The following ITPRID1 variants were observed in gnomAD, a reference collection of about 807,000 sequenced individuals.
The protein encoded by ITPRID1 is protein ITPRID1.
A neutral mutation model predicts 95.4 loss-of-function variants in ITPRID1; 96 were observed. The ratio of observed to expected loss-of-function variants is 1.01; its 90% CI spans 0.85 to 1.19. ITPRID1 has a LOEUF of 1.19. Ranked by LOEUF, ITPRID1 falls within the 50% of genes most tolerant of loss-of-function variation. The probability of loss-of-function intolerance (pLI) is 0.00; values close to 1 mark genes in which losing one functional copy is unlikely to be tolerated. For synonymous variants in ITPRID1, 510 were observed against 453.6 expected (o/e 1.12, Z -1.58); for missense variants, 1,339 against 1,252.9 (o/e 1.07, Z -1.04).
At chr7:31,541,499 A>G (rs980114007) in intron 1 of ITPRID1, among the ~76,000 whole-genome samples, 1 of 152,190 alleles carries the variant, frequency 6.6e-6, no homozygotes, top group African/African-American at 2.4e-5. Flanking sequence ...AATTACGAGG[A>G]TATCTGGTAC....
chr7:31,651,961 ACGTTACGTGAGGCC>A lies in ITPRID1; in HGVS notation c.2736_2749del (p.Leu913GlufsTer35), dbSNP rs750768475. On this transcript the variant is annotated frameshift_variant, in exon 14 of 15. Coordinates refer to ENST00000615280, the MANE Select transcript of ITPRID1 (RefSeq NM_001257967.3). LOFTEE classifies it high-confidence loss of function. ...CAGGGAGGAGGCCGAGCAACTGCAA[ACGTTACGTGAGGCC>A]CTGAGGCAGCAGGTGGCAGAGTTGG... 1 of 1,601,172 alleles carries A rather than the reference ACGTTACGTGAGGCC, an allele frequency of 6.2e-7. No homozygotes were observed. The highest frequency in any genetic ancestry group is 2.3e-5 in the East Asian group (1 of 44,402).
intron 10 of ITPRID1, among the ~76,000 whole-genome samples, chr7:31,641,375 T>C (rs183633635): frequency 1.5e-4 from 23 of 152,252 alleles, no homozygotes; most frequent in African/African-American, 5.5e-4. Flanking sequence ...CCTCTGCTCC[T>C]TGTATTCTAA....
At chr7:31,568,523 G>A (rs1331120134) in intron 5 of ITPRID1, among the ~76,000 whole-genome samples, 1 of 152,162 alleles carries the variant, frequency 6.6e-6, no homozygotes, top group African/African-American at 2.4e-5. Context: ...ACCCAGGAGA[G>A]CAACAAGTAA....
At chr7:31,597,423 A>G (rs192533151) in intron 10 of ITPRID1, among the ~76,000 whole-genome samples, 10 of 152,010 alleles carry the variant, frequency 6.6e-5, no homozygotes, top group Admixed American at 2.0e-4. Context: ...TTTGTTGGAT[A>G]TGAGAGCAAA....
chr7:31,640,891 G>GC (rs1369821606), intron 10 of ITPRID1, among the ~76,000 whole-genome samples: 1 of 152,172 alleles, frequency 6.6e-6, no homozygotes, highest in Non-Finnish European at 1.5e-5. Flanking sequence ...TAAAATGTAT[G>GC]CCCTCTGATT....
intron 1 of ITPRID1, among the ~76,000 whole-genome samples, chr7:31,519,357 CTA>C (rs1448877305): frequency 6.6e-6 from 1 of 151,934 alleles, no homozygotes; most frequent in East Asian, 1.9e-4. Flanking sequence ...AATTTAAACA[CTA>C]AAATTGTATT....
At chr7:31,560,276 G>A (rs891991388) in intron 5 of ITPRID1, among the ~76,000 whole-genome samples, 2 of 152,168 alleles carry the variant, frequency 1.3e-5, no homozygotes, top group African/African-American at 4.8e-5. Flanking sequence ...AGGGCTAGGG[G>A]TTAAAGAATT....
chr7:31,518,565 A>G (rs576055902), intron 1 of ITPRID1, among the ~76,000 whole-genome samples: 2 of 152,314 alleles, frequency 1.3e-5, no homozygotes, highest in African/African-American at 4.8e-5. Flanking sequence ...TGCATAAACC[A>G]TGAATTATGA....
intron 9 of ITPRID1, among the ~76,000 whole-genome samples, chr7:31,579,571 G>A (rs1202834334): frequency 1.3e-5 from 2 of 152,108 alleles, no homozygotes; most frequent in Non-Finnish European, 2.9e-5. Context: ...GGTATTCCAG[G>A]AGCAAGTAAA....
chr7:31,647,943 T>G (rs1035394874), intron 12 of ITPRID1, among the ~76,000 whole-genome samples: 2 of 152,058 alleles, frequency 1.3e-5, no homozygotes, highest in Non-Finnish European at 2.9e-5. Flanking sequence ...CACATATAAG[T>G]GAGTTATTTG....
chr7:31,543,006 G>T, intron 1 of ITPRID1, among the ~76,000 whole-genome samples: 1 of 152,030 alleles, frequency 6.6e-6, no homozygotes. Flanking sequence ...CACATATATA[G>T]CCACACAGAC....
chr7:31,572,909 A>G (rs1332293416), intron 7 of ITPRID1, among the ~76,000 whole-genome samples: 1 of 152,230 alleles, frequency 6.6e-6, no homozygotes, highest in Non-Finnish European at 1.5e-5. Flanking sequence ...CATGACAGAT[A>G]TTCAATAAAT....
chr7:31,549,166 C>A (rs6957761), intron 1 of ITPRID1, among the ~76,000 whole-genome samples: 87,607 of 151,942 alleles, frequency 0.58, 26,374 homozygotes, highest in Middle Eastern at 0.71. Flanking sequence ...GCTACAGGCT[C>A]TAATTATAAC....
At chr7:31,530,523 G>A (rs1002275745) in intron 1 of ITPRID1, among the ~76,000 whole-genome samples, 1 of 152,006 alleles carries the variant, frequency 6.6e-6, no homozygotes, top group Non-Finnish European at 1.5e-5. Context: ...AAATAAATAG[G>A]TCACAGTTAT....
chr7:31,640,365 TA>T (rs1299857631), intron 10 of ITPRID1, among the ~76,000 whole-genome samples: 3 of 152,292 alleles, frequency 2.0e-5, no homozygotes, highest in Admixed American at 6.5e-5. Context: ...CTCAGCTGAA[TA>T]CTCAAGAGAG....
intron 1 of ITPRID1, among the ~76,000 whole-genome samples, chr7:31,516,714 C>A (rs944050020): frequency 6.6e-6 from 1 of 152,166 alleles, no homozygotes; most frequent in Non-Finnish European, 1.5e-5. Context: ...CTTTCTACAA[C>A]AGAAGTTTTT....
intron 2 of ITPRID1, among the ~76,000 whole-genome samples, chr7:31,550,852 G>A (rs1476136196): frequency 1.4e-5 from 2 of 142,798 alleles, no homozygotes; most frequent in African/African-American, 2.5e-5. Context: ...GTTTGGGGAC[G>A]TACAAATAAA....
intron 10 of ITPRID1, among the ~76,000 whole-genome samples, chr7:31,639,313 A>G (rs1184173401): frequency 1.3e-5 from 2 of 151,908 alleles, no homozygotes; most frequent in Non-Finnish European, 2.9e-5. Flanking sequence ...TTCATTTGGG[A>G]TAGCTTCTTA....
At chr7:31,650,075 G>C (rs1298042292) in intron 12 of ITPRID1, among the ~76,000 whole-genome samples, 2 of 152,190 alleles carry the variant, frequency 1.3e-5, no homozygotes, top group African/African-American at 4.8e-5. Flanking sequence ...TTAGGATTCT[G>C]CCCTCCTAGA....
Sources: allele counts gnomAD v4.1 joint callset (sites outside exome capture counted in the v4.1 genomes callset), GRCh38; gene constraint gnomAD v4.1.1; transcripts MANE v1.5; gene names NCBI Gene and HGNC (gene_info 2026-07-23, HGNC 2026-07-21).